MICU1: variants seen among roughly 807,000 people sequenced by gnomAD.
MICU1 encodes the protein calcium uptake protein 1, mitochondrial.
In MICU1, 45 loss-of-function variants were observed where a neutral mutation model predicts 56.8. The observed-to-expected ratio is 0.79, with a 90% CI of 0.62 to 1.02. The LOEUF (loss-of-function observed/expected upper bound fraction) is 1.02, where lower values mean the gene tolerates loss of function less well. MICU1 is among the 50% of genes least tolerant of loss of function. The probability of loss-of-function intolerance (pLI) is 0.00; values close to 1 mark genes in which losing one functional copy is unlikely to be tolerated. For missense variants in MICU1, 504 were observed against 587.1 expected, an observed-to-expected ratio of 0.86 and a Z score of 1.46; for synonymous variants, 186 against 195.1, an observed-to-expected ratio of 0.95 and a Z score of 0.39.
intron 6 of MICU1, among the ~76,000 whole-genome samples, chr10:72,496,300 CTTTT>C (rs565571067): frequency 1.5e-5 from 2 of 134,274 alleles, no homozygotes; most frequent in Non-Finnish European, 3.2e-5. Context: ...TGGCTAATTC[CTTTT>C]TTTTTTTTTT....
chr10:72,491,109 CTG>C (rs1460441946), intron 6 of MICU1, among the ~76,000 whole-genome samples: 1 of 152,194 alleles, frequency 6.6e-6, no homozygotes, highest in African/African-American at 2.4e-5. Flanking sequence ...ATGACCCTGT[CTG>C]TGAGACCAAT....
rs761449065 is a variant in MICU1 at position 72,566,838 on chromosome 10, T to TATGATG, written c.-1-50_-1-45dup. 1.7e-5 allele frequency: 26 copies of TATGATG among 1,504,112 alleles called. No homozygotes were observed. In the Admixed American group the frequency reaches 5.2e-4, roughly 30 times the overall value. 93.2% of individuals were successfully genotyped at this position (1,504,112 alleles called of 1,614,324 possible). On this transcript the variant is annotated intron_variant, in intron 1 of 11. Coordinates refer to ENST00000361114, the MANE Select transcript of MICU1 (RefSeq NM_001195518.2). The stretch of plus-strand genomic sequence containing the variant: ...AATGTCACTCTTAGCTAGTGGTAGT[T>TATGATG]ATGATGATGATGATGATGATCCTAC...
Position 72,475,062 on chromosome 10 carries a change from C to T in MICU1, c.933+38G>A, listed in dbSNP as rs1303453662. ...TACAGGCCCTCCTGCCCATCAGTTC[C>T]ACATGTGATGGATCTACTGAGTCTA... On this transcript the variant is annotated intron_variant, in intron 8 of 11. Coordinates refer to ENST00000361114, the MANE Select transcript of MICU1 (RefSeq NM_001195518.2). 6 of 1,563,494 alleles carry T rather than the reference C, an allele frequency of 3.8e-6. No individual in the cohort carries two copies. The East Asian group carries it at 6.8e-5, about 18-fold the overall frequency.
intron 6 of MICU1, among the ~76,000 whole-genome samples, chr10:72,478,504 A>G (rs1866191318): frequency 6.6e-6 from 1 of 152,242 alleles, no homozygotes; most frequent in African/African-American, 2.4e-5. Context: ...TAAATATTCT[A>G]TGTGTCCTTA....
chr10:72,526,698 GAGTT>G (rs1867972731), intron 5 of MICU1, among the ~76,000 whole-genome samples: 1 of 152,260 alleles, frequency 6.6e-6, no homozygotes, highest in Admixed American at 6.5e-5. Flanking sequence ...ATATTTGAAA[GAGTT>G]AATAAATTGT....
At chr10:72,382,369 C>T (rs974345751) in intron 10 of MICU1, among the ~76,000 whole-genome samples, 1 of 151,900 alleles carries the variant, frequency 6.6e-6, no homozygotes, top group African/African-American at 2.4e-5. Context: ...GCCTTGACCT[C>T]CCAAAGTGCT....
chr10:72,413,726 C>CT (rs1863896776), intron 9 of MICU1, among the ~76,000 whole-genome samples: 1 of 151,352 alleles, frequency 6.6e-6, no homozygotes, highest in Non-Finnish European at 1.5e-5. Context: ...AGAGGGAGAC[C>CT]CTGTCTCAAA....
intron 6 of MICU1, among the ~76,000 whole-genome samples, chr10:72,498,486 T>C (rs774263938): frequency 2.0e-5 from 3 of 152,088 alleles, no homozygotes; most frequent in Admixed American, 6.6e-5. Context: ...CTTGGGAGGT[T>C]GAGGAAGGAG....
At chr10:72,404,153 C>G (rs1416694035) in intron 10 of MICU1, among the ~76,000 whole-genome samples, 1 of 151,876 alleles carries the variant, frequency 6.6e-6, no homozygotes, top group Non-Finnish European at 1.5e-5. Context: ...CCATGCCTGA[C>G]TAGTTTTTGT....
At chr10:72,436,196 G>C (rs958374355) in intron 8 of MICU1, among the ~76,000 whole-genome samples, 1 of 152,200 alleles carries the variant, frequency 6.6e-6, no homozygotes, top group Admixed American at 6.5e-5. Context: ...TCCAGAGGAA[G>C]GATCAGGCAG....
intron 6 of MICU1, among the ~76,000 whole-genome samples, chr10:72,500,257 CATACATAT>C (rs1295909929): frequency 2.3e-3 from 112 of 47,736 alleles, no homozygotes; most frequent in African/African-American, 7.7e-3. Flanking sequence ...TACATACATA[CATACATAT>C]ATATATATAT....
At chr10:72,571,708 G>A (rs1407655940) in intron 1 of MICU1, among the ~76,000 whole-genome samples, 1 of 152,122 alleles carries the variant, frequency 6.6e-6, no homozygotes, top group Admixed American at 6.6e-5. Context: ...ATTGGGTGAT[G>A]AGTGCCTAGA....
intron 6 of MICU1, among the ~76,000 whole-genome samples, chr10:72,481,659 G>A (rs944291249): frequency 4.6e-5 from 7 of 152,116 alleles, no homozygotes; most frequent in South Asian, 2.1e-4. Context: ...TGATGCACCC[G>A]CCTTGGCCTC....
At chr10:72,383,989 TAAA>T (rs797009644) in intron 10 of MICU1, among the ~76,000 whole-genome samples, 122 of 150,860 alleles carry the variant, frequency 8.1e-4, no homozygotes, top group African/African-American at 2.7e-3. Context: ...ACAATTTTAT[TAAA>T]AAAAAATTTT....
At chr10:72,375,432 C>G (rs1862485437) in intron 11 of MICU1, among the ~76,000 whole-genome samples, 2 of 152,196 alleles carry the variant, frequency 1.3e-5, no homozygotes, top group South Asian at 4.1e-4. Context: ...GAGATCAGTA[C>G]TGCCTTCTTT....
intron 1 of MICU1, among the ~76,000 whole-genome samples, chr10:72,574,267 G>A (rs1030892061): frequency 2.0e-5 from 3 of 152,156 alleles, no homozygotes; most frequent in African/African-American, 4.8e-5. Flanking sequence ...GGTGGCTCAC[G>A]CCTGTAATCT....
At chr10:72,382,275 A>ATT (rs1564837849) in intron 10 of MICU1, among the ~76,000 whole-genome samples, 22 of 112,258 alleles carry the variant, frequency 2.0e-4, no homozygotes, top group African/African-American at 6.3e-4. Flanking sequence ...ACGTCCGGCT[A>ATT]ATTTTTTTTT....
At chr10:72,547,580 A>G (rs1481071248) in intron 4 of MICU1, among the ~76,000 whole-genome samples, 2 of 151,406 alleles carry the variant, frequency 1.3e-5, no homozygotes, top group Admixed American at 6.6e-5. Flanking sequence ...AGAAACGTAC[A>G]AAGAAGAATA....
intron 1 of MICU1, among the ~76,000 whole-genome samples, chr10:72,602,302 T>G (rs894530345): frequency 4.0e-5 from 6 of 151,492 alleles, no homozygotes; most frequent in Non-Finnish European, 7.4e-5. Context: ...AATACAAAAA[T>G]TAGCCGAGTG....
Sources: allele counts gnomAD v4.1 joint callset (sites outside exome capture counted in the v4.1 genomes callset), GRCh38; gene constraint gnomAD v4.1.1; transcripts MANE v1.5; gene names NCBI Gene and HGNC (gene_info 2026-07-23, HGNC 2026-07-21).